Variants in FBN1 observed in about 807,000 individuals in gnomAD.
FBN1 encodes fibrillin-1.
Under a neutral mutation model 365.1 loss-of-function variants are expected in FBN1, and 29 were observed. That is an observed-to-expected ratio of 0.08 (90% CI 0.06 to 0.11). The LOEUF (loss-of-function observed/expected upper bound fraction) is 0.11. Among genes scored for constraint, FBN1 ranks in the 10% least tolerant of loss-of-function variants. FBN1 has a pLI of 1.00. For synonymous variants in FBN1, 1,210 were observed against 1,270.5 expected, an observed-to-expected ratio of 0.95 and a Z score of 1.01; for missense variants, 2,476 against 3,703.2, an observed-to-expected ratio of 0.67 and a Z score of 8.60.
At chr15:48,529,146 T>TG (rs2043944319) in intron 8 of FBN1, 1 of 152,278 alleles carries the variant, frequency 6.6e-6, no homozygotes, top group African/African-American at 2.4e-5. Flanking sequence ...GCAAACCAGG[T>TG]GGGGACGCTT....
At position 48,452,640 on chromosome 15, in the gene FBN1, C is replaced by T. The variant is rs567397762; in HGVS notation, c.5467G>A (p.Glu1823Lys). ...QNGPVCQRNA[E>K]CINTAGSYRC... ...TAGCTGCCTGCAGTGTTGATGCATT[C>T]GGCGTTGCGCTGGCACACTGGGCCG... is the stretch of plus-strand genomic sequence containing the variant. The change falls in exon 45 of 66, where the codon GAA (glutamate) becomes AAA (lysine). Residue 1823 changes from glutamate (E) to lysine (K), a missense_variant. Physicochemically the swap from Glu to Lys is moderately conservative, Grantham distance 56. Around this residue, in one of 5 missense-constraint regions of FBN1, gnomAD observed 1,780 missense variants for 2,840.8 expected, o/e 0.63. Transcript: ENST00000316623. 19 of 1,614,148 alleles carry T rather than the reference C, an allele frequency of 1.2e-5. No individual in the cohort carries two copies. Among genetic ancestry groups the T allele is most frequent in the African/African-American group, 5.3e-5 (4 of 75,052 alleles).
At chr15:48,453,278 CA>C (rs2043214876) in intron 44 of FBN1, among the ~76,000 whole-genome samples, 1 of 17,260 alleles carries the variant, frequency 5.8e-5, no homozygotes, top group Non-Finnish European at 1.3e-4. Context: ...AACAAACAAA[CA>C]AAAAATAAAA....
intron 6 of FBN1, among the ~76,000 whole-genome samples, chr15:48,552,220 T>C (rs1427969498): frequency 1.3e-5 from 2 of 152,198 alleles, no homozygotes; most frequent in African/African-American, 2.4e-5. Flanking sequence ...GGTATCTCAT[T>C]GTGGTTTTAT....
chr15:48,520,565 C>A, intron 10 of FBN1, 94 bp downstream of exon 10: 1 of 1,455,070 alleles, frequency 6.9e-7, no homozygotes, highest in East Asian at 2.3e-5. Flanking sequence ...TACTCATTTA[C>A]CCAAGTTTCC....
intron 12 of FBN1, among the ~76,000 whole-genome samples, chr15:48,514,492 C>A (rs552374403): frequency 1.3e-5 from 2 of 152,278 alleles, no homozygotes; most frequent in South Asian, 4.1e-4. Flanking sequence ...AAGTAGAATT[C>A]ATAACAGAAC....
chr15:48,419,129 C>T (rs2042921502), intron 63 of FBN1, among the ~76,000 whole-genome samples: 1 of 152,206 alleles, frequency 6.6e-6, no homozygotes, highest in Non-Finnish European at 1.5e-5. Context: ...TTCTAGATAA[C>T]TCTAATTCTC....
At chr15:48,432,571 C>G (rs8034591) in intron 55 of FBN1, among the ~76,000 whole-genome samples, 1 of 151,926 alleles carries the variant, frequency 6.6e-6, no homozygotes, top group East Asian at 1.9e-4. Flanking sequence ...GTTTTTTGAA[C>G]GTGGGGAAAT....
chr15:48,625,935 T>C (rs1015565544), intron 2 of FBN1, among the ~76,000 whole-genome samples: 5 of 152,108 alleles, frequency 3.3e-5, no homozygotes, highest in African/African-American at 1.2e-4. Context: ...AAGTGGTAAA[T>C]GAGAGTTTAG....
intron 2 of FBN1, chr15:48,643,954 A>C (rs1383842102): frequency 6.6e-6 from 1 of 152,464 alleles, no homozygotes; most frequent in Admixed American, 6.5e-5. Context: ...CACAAACACC[A>C]CTAGTTAAAA....
chr15:48,574,555 CT>C (rs2044330760), intron 6 of FBN1, among the ~76,000 whole-genome samples: 1 of 151,448 alleles, frequency 6.6e-6, no homozygotes, highest in Non-Finnish European at 1.5e-5. Flanking sequence ...ATAACTCTTA[CT>C]TGCCCATTCA....
intron 2 of FBN1, among the ~76,000 whole-genome samples, chr15:48,639,011 T>A (rs1451936362): frequency 6.6e-6 from 1 of 152,238 alleles, no homozygotes; most frequent in Non-Finnish European, 1.5e-5. Context: ...TTTATTAATG[T>A]CTTTGCAGAA....
rs141908642 is a variant in FBN1 at position 48,637,423 on chromosome 15, A to G, written c.164+7183T>C. 3.7e-4 allele frequency among the ~76,000 whole-genome samples: 57 copies of G among 152,254 alleles called. No homozygotes were observed. The East Asian group carries it at 0.011, about 28-fold the overall frequency. On this transcript the variant is annotated intron_variant, in intron 2 of 65. Coordinates refer to ENST00000316623, the MANE Select transcript of FBN1 (RefSeq NM_000138.5). ...ATTGCCACCTATGTACGGGCTCACA[A>G]GATTGCTCAAGGTTGCAAACTGCAC...
intron 2 of FBN1, among the ~76,000 whole-genome samples, chr15:48,633,903 G>A (rs1890041435): frequency 6.6e-6 from 1 of 152,150 alleles, no homozygotes; most frequent in Non-Finnish European, 1.5e-5. Flanking sequence ...AACCGGAGAG[G>A]AAAATAAGCA....
intron 2 of FBN1, among the ~76,000 whole-genome samples, 185 bp from the exon 3 acceptor site, chr15:48,613,277 G>A (rs1020362849): frequency 1.3e-5 from 2 of 152,188 alleles, no homozygotes; most frequent in African/African-American, 4.8e-5. Context: ...GATATCAACA[G>A]GGACATCCCT....
At position 48,468,453 on chromosome 15, in the gene FBN1, G is replaced by A. The variant is rs746205136; in HGVS notation, c.4541C>T (p.Pro1514Leu). ...AGTTGGGTTCAGTTCAAAATCAGGT[G>A]GGCAGTCACAGATATAGCTGCCTGG... ...NTPGSYICDC[P>L]PDFELNPTRV... The change falls in exon 37 of 66, where the codon CCA (proline) becomes CTA (leucine). Residue 1514 changes from proline (P) to leucine (L), a missense_variant. Transcript: ENST00000316623. 4 of 1,614,114 alleles carry A rather than the reference G, an allele frequency of 2.5e-6. No homozygotes were observed. The Admixed American group carries it at 6.7e-5, about 27-fold the overall frequency.
chr15:48,470,190 G>A (rs540601085), intron 36 of FBN1, among the ~76,000 whole-genome samples: 2 of 152,220 alleles, frequency 1.3e-5, no homozygotes, highest in African/African-American at 4.8e-5. Flanking sequence ...AGGTGGCTGA[G>A]CTCTGTGTAC....
intron 10 of FBN1, among the ~76,000 whole-genome samples, chr15:48,518,288 A>C (rs908475248): frequency 6.6e-6 from 1 of 152,174 alleles, no homozygotes; most frequent in Non-Finnish European, 1.5e-5. Flanking sequence ...CCCACCACTA[A>C]GACTGTGTAG....
intron 6 of FBN1, among the ~76,000 whole-genome samples, chr15:48,591,533 C>CT (rs1248209523): frequency 6.6e-6 from 1 of 152,234 alleles, no homozygotes; most frequent in African/African-American, 2.4e-5. Flanking sequence ...GAATCTCTCT[C>CT]TTTCCAAGAG....
At chr15:48,495,826 G>A (rs1324379484) in intron 20 of FBN1, among the ~76,000 whole-genome samples, 2 of 152,210 alleles carry the variant, frequency 1.3e-5, no homozygotes, top group Non-Finnish European at 2.9e-5. Flanking sequence ...AAAATCTGGA[G>A]TAAATGTGTA....
Sources: allele counts gnomAD v4.1 joint callset (sites outside exome capture counted in the v4.1 genomes callset), GRCh38; gene constraint gnomAD v4.1.1; regional missense constraint gnomAD v4.1.1; transcripts MANE v1.5; gene names NCBI Gene and HGNC (gene_info 2026-07-23, HGNC 2026-07-21).